Variants in SAMD5 observed in about 807,000 individuals in gnomAD.
The protein encoded by SAMD5 is sterile alpha motif domain-containing protein 5.
A neutral mutation model predicts 11.3 loss-of-function variants in SAMD5; 13 were observed. That is an observed-to-expected ratio of 1.15 (90% CI 0.75 to 1.83). The LOEUF is 1.83. SAMD5 is among the 40% of genes most tolerant of loss of function. The pLI is 0.00. For missense variants in SAMD5, 255 were observed against 239.1 expected, an observed-to-expected ratio of 1.07 and a Z score of -0.44; for synonymous variants, 129 against 111.3, an observed-to-expected ratio of 1.16 and a Z score of -1.00.
At chr6:147,649,880 C>T (rs1013169660) in intron 1 of SAMD5, among the ~76,000 whole-genome samples, 4 of 151,604 alleles carry the variant, frequency 2.6e-5, no homozygotes, top group African/African-American at 9.7e-5. Flanking sequence ...TGACCGCTCT[C>T]CCCAGAACTC....
intron 1 of SAMD5, among the ~76,000 whole-genome samples, chr6:147,615,954 C>A (rs962891704): frequency 3.3e-5 from 5 of 151,888 alleles, no homozygotes; most frequent in African/African-American, 9.7e-5. Flanking sequence ...GCTGCAGAGG[C>A]TCTGGGGAAT....
At chr6:147,802,739 C>T in the SAMD5 span, among the ~76,000 whole-genome samples, 1 of 151,972 alleles carries the variant, frequency 6.6e-6, no homozygotes, top group Non-Finnish European at 1.5e-5. Context: ...TACCAGCGCA[C>T]ACAACACAAA....
chr6:147,838,531 G>GTCC, the SAMD5 span, among the ~76,000 whole-genome samples: 1 of 127,706 alleles, frequency 7.8e-6, no homozygotes, highest in African/African-American at 3.1e-5. Context: ...AGAATATCCT[G>GTCC]CCCCCCCCCC....
At position 147,509,131 on chromosome 6, in the gene SAMD5, A is replaced by T. The variant is rs759678529; in HGVS notation, c.203A>T (p.Asn68Ile). Reference sequence around the variant, plus strand: ...CGCCGGCTGCGGGAGCAGGACGCCAACGCCGCCGGCCTCTACTTCACGCTT... The same window carrying T: ...CGCCGGCTGCGGGAGCAGGACGCCATCGCCGCCGGCCTCTACTTCACGCTT... The part of the protein sequence containing the change: ...AVRRLREQDA[N>I]AAGLYFTLEP... Residue 68 changes from asparagine (N) to isoleucine (I), a missense_variant, in exon 1 of 2, where the codon AAC becomes ATC. Transcript: ENST00000367474. 7 of 1,558,468 alleles carry T rather than the reference A, an allele frequency of 4.5e-6. No homozygotes were observed. Among genetic ancestry groups the T allele is most frequent in the Non-Finnish European group, 6.1e-6 (7 of 1,155,122 alleles).
chr6:147,597,237 G>A (rs1789545473), intron 1 of SAMD5, among the ~76,000 whole-genome samples: 1 of 152,162 alleles, frequency 6.6e-6, no homozygotes, highest in Non-Finnish European at 1.5e-5. Context: ...TCTCCTAAGA[G>A]TACAGCTGTC....
chr6:147,726,595 TCTC>T (rs960547060), intron 1 of SAMD5, among the ~76,000 whole-genome samples: 2 of 152,198 alleles, frequency 1.3e-5, no homozygotes, highest in Admixed American at 1.3e-4. Context: ...ACTTTAGTCA[TCTC>T]CTACTTTTAT....
At chr6:147,709,585 C>T (rs1164841349) in intron 1 of SAMD5, among the ~76,000 whole-genome samples, 1 of 152,148 alleles carries the variant, frequency 6.6e-6, no homozygotes, top group Non-Finnish European at 1.5e-5. Context: ...GAGGTGACTC[C>T]ACAGCAGTCA....
the SAMD5 span, among the ~76,000 whole-genome samples, chr6:147,766,288 G>A: frequency 2.0e-5 from 3 of 152,032 alleles, no homozygotes; most frequent in Non-Finnish European, 4.4e-5. Context: ...CAGACATAAT[G>A]AAGAAAAATT....
chr6:147,940,010 G>T, the SAMD5 span, among the ~76,000 whole-genome samples: 4 of 152,200 alleles, frequency 2.6e-5, no homozygotes, highest in East Asian at 7.7e-4. Flanking sequence ...AAGGAGAATA[G>T]AAATCAGCCA....
the SAMD5 span, among the ~76,000 whole-genome samples, chr6:147,896,090 C>T: frequency 6.6e-6 from 1 of 152,206 alleles, no homozygotes; most frequent in Non-Finnish European, 1.5e-5. Flanking sequence ...AAATTATTCT[C>T]CTGGTAGTCC....
intron 1 of SAMD5, among the ~76,000 whole-genome samples, chr6:147,729,214 G>A (rs1020351951): frequency 7.2e-5 from 11 of 152,144 alleles, no homozygotes; most frequent in African/African-American, 2.7e-4. Context: ...CCACCCATAG[G>A]ACCTCACTTA....
the SAMD5 span, among the ~76,000 whole-genome samples, chr6:147,856,058 CTA>C: frequency 6.6e-6 from 1 of 152,072 alleles, no homozygotes; most frequent in Non-Finnish European, 1.5e-5. Context: ...CATGAGTAAA[CTA>C]TGGTATAGCG....
the SAMD5 span, among the ~76,000 whole-genome samples, chr6:147,863,543 C>T: frequency 6.6e-6 from 1 of 152,152 alleles, no homozygotes; most frequent in Admixed American, 6.5e-5. Context: ...TATCAGATAG[C>T]TGTGAAATGG....
the SAMD5 span, among the ~76,000 whole-genome samples, chr6:147,860,697 C>T: frequency 9.2e-5 from 14 of 152,272 alleles, no homozygotes; most frequent in African/African-American, 3.4e-4. Flanking sequence ...AGAAGCTTGA[C>T]CTAATACCTG....
intron 1 of SAMD5, among the ~76,000 whole-genome samples, chr6:147,533,479 AAG>A (rs1554230991): frequency 1.2e-3 from 178 of 150,420 alleles, no homozygotes; most frequent in African/African-American, 2.5e-3. Flanking sequence ...AAAAAAAAAA[AAG>A]AAAGAAAGAA....
At chr6:147,939,983 A>G in the SAMD5 span, among the ~76,000 whole-genome samples, 4 of 152,150 alleles carry the variant, frequency 2.6e-5, no homozygotes, top group African/African-American at 7.2e-5. Context: ...GCGAAGTACT[A>G]TCGGAGCTGT....
intron 1 of SAMD5, among the ~76,000 whole-genome samples, chr6:147,682,404 A>G (rs1790953060): frequency 6.6e-6 from 1 of 152,184 alleles, no homozygotes; most frequent in African/African-American, 2.4e-5. Context: ...GTAGAAGTCT[A>G]TGAGAGTTTT....
the SAMD5 span, among the ~76,000 whole-genome samples, chr6:147,932,957 T>C: frequency 6.6e-6 from 1 of 152,136 alleles, no homozygotes; most frequent in Admixed American, 6.6e-5. Context: ...AGGCATAAGA[T>C]TCATCAATTT....
At chr6:147,795,320 G>A in the SAMD5 span, among the ~76,000 whole-genome samples, 5 of 144,188 alleles carry the variant, frequency 3.5e-5, no homozygotes, top group Non-Finnish European at 6.0e-5. Context: ...GCGGTGTTTG[G>A]TTTTTTGTCC....
Sources: allele counts gnomAD v4.1 joint callset (sites outside exome capture counted in the v4.1 genomes callset), GRCh38; gene constraint gnomAD v4.1.1; transcripts MANE v1.5; gene names NCBI Gene and HGNC (gene_info 2026-07-23, HGNC 2026-07-21).